WDR70: variants seen among roughly 807,000 people sequenced by gnomAD.
The protein encoded by WDR70 is WD repeat-containing protein 70.
Under a neutral mutation model 88.6 loss-of-function variants are expected in WDR70, and 53 were observed. The ratio of observed to expected loss-of-function variants is 0.60; its 90% confidence interval spans 0.48 to 0.75. The LOEUF (loss-of-function observed/expected upper bound fraction) is 0.75, where lower values mean the gene tolerates loss of function less well. Ranked by LOEUF, WDR70 falls within the 30% of genes least tolerant of loss-of-function variation. The pLI, the probability that WDR70 is intolerant of heterozygous loss-of-function variation, is 0.00. For synonymous variants in WDR70, 280 were observed against 270.0 expected (o/e 1.04, Z -0.36); for missense variants, 610 against 823.2 (o/e 0.74, Z 3.17).
chr5:37,692,033 G>A (rs889785000), intron 10 of WDR70, among the ~76,000 whole-genome samples: 6 of 152,036 alleles, frequency 3.9e-5, no homozygotes, highest in East Asian at 3.9e-4. Context: ...TATCACCACC[G>A]ATCCCACAGA....
intron 9 of WDR70, among the ~76,000 whole-genome samples, chr5:37,517,828 TTA>T (rs1740935298): frequency 1.4e-5 from 1 of 71,156 alleles, no homozygotes. Flanking sequence ...TTAAACTCTT[TTA>T]GTTATTTTAT....
At chr5:37,543,790 A>AT (rs1741904930) in intron 9 of WDR70, among the ~76,000 whole-genome samples, 1 of 152,126 alleles carries the variant, frequency 6.6e-6, no homozygotes, top group Non-Finnish European at 1.5e-5. Context: ...TTATTTGGAG[A>AT]TGGAGTCTCG....
In WDR70 at chr5:37,527,374, A is replaced by C. The variant is rs886777050; in HGVS notation, c.917+10784A>C. 5.9e-5 allele frequency among the ~76,000 whole-genome samples: 9 copies of C among 152,284 alleles called. No homozygotes were observed. The East Asian group carries it at 1.5e-3, about 26-fold the overall frequency. ...CTTTGACAAACCTGACAAAAACAAG[A>C]AATGGGGAAAGGATTCCCTATTTAA... On this transcript the variant is annotated intron_variant, in intron 9 of 17. Transcript: ENST00000265107.
intron 10 of WDR70, among the ~76,000 whole-genome samples, chr5:37,610,982 T>G (rs1744176477): frequency 6.6e-6 from 1 of 152,172 alleles, no homozygotes; most frequent in Non-Finnish European, 1.5e-5. Context: ...AGCAAGCTAA[T>G]TTGATATAAT....
chr5:37,609,970 A>G (rs950997001), intron 10 of WDR70, among the ~76,000 whole-genome samples: 2 of 152,212 alleles, frequency 1.3e-5, no homozygotes, highest in Non-Finnish European at 2.9e-5. Context: ...GTCTTTCTGC[A>G]TCCTTCTTCT....
rs528076531 is a variant in WDR70 at position 37,649,823 on chromosome 5, C to T, written c.1092+44585C>T. Among the ~76,000 whole-genome samples, 7 of 129,072 alleles carry T rather than the reference C, an allele frequency of 5.4e-5. No individual in the cohort carries two copies. In the South Asian group the frequency reaches 1.3e-3, roughly 24 times the overall value. The allele number at this position is 129,072 out of a possible 152,430, so 84.7% of individuals were successfully genotyped here. A position where few individuals can be genotyped will look rare whatever the true frequency, so the allele number is the denominator to read the frequency against. On this transcript the variant is annotated intron_variant, in intron 10 of 17. Transcript: ENST00000265107. Reference sequence around the variant, plus strand: ...CGCGATCTCGGCTCACTGCAAGCTCCGCCTCCCGGGTTCACGCCATTCTCC... The same window carrying T: ...CGCGATCTCGGCTCACTGCAAGCTCTGCCTCCCGGGTTCACGCCATTCTCC...
At chr5:37,508,859 T>C (rs963805458) in intron 8 of WDR70, among the ~76,000 whole-genome samples, 2 of 152,296 alleles carry the variant, frequency 1.3e-5, no homozygotes, top group African/African-American at 2.4e-5. Context: ...AAAGTAATGT[T>C]ACGTCTTCCT....
chr5:37,690,420 G>C (rs577593592), intron 10 of WDR70, among the ~76,000 whole-genome samples: 1 of 152,124 alleles, frequency 6.6e-6, no homozygotes, highest in Non-Finnish European at 1.5e-5. Flanking sequence ...GATTCACCAA[G>C]CTTGAAATGA....
chr5:37,653,937 A>G (rs1181877548), intron 10 of WDR70, among the ~76,000 whole-genome samples: 6 of 151,644 alleles, frequency 4.0e-5, no homozygotes, highest in East Asian at 3.9e-4. Flanking sequence ...TCATGTCTCT[A>G]TCTCCTTCAG....
chr5:37,499,595 C>CTCTCTCTCTTTTTT (rs764121505), intron 8 of WDR70, among the ~76,000 whole-genome samples: 1 of 50,810 alleles, frequency 2.0e-5, no homozygotes. Context: ...TATTCTCTCT[C>CTCTCTCTCTTTTTT]TCTCTCTCTC....
chr5:37,529,052 A>G (rs2112299640), intron 9 of WDR70, among the ~76,000 whole-genome samples: 1 of 152,044 alleles, frequency 6.6e-6, no homozygotes, highest in South Asian at 2.1e-4. Context: ...CTTGCCAATT[A>G]TCCAAGCACC....
intron 5 of WDR70, among the ~76,000 whole-genome samples, chr5:37,418,020 C>G (rs913566937): frequency 3.3e-5 from 5 of 152,122 alleles, no homozygotes; most frequent in East Asian, 1.9e-4. Context: ...AAGTGAGGAA[C>G]TGGTTGAACT....
At chr5:37,456,274 G>A (rs1262570351) in intron 7 of WDR70, among the ~76,000 whole-genome samples, 1 of 152,118 alleles carries the variant, frequency 6.6e-6, no homozygotes, top group East Asian at 1.9e-4. Context: ...TTGTCAATAT[G>A]TTAAATTTTA....
In WDR70 at chr5:37,674,054, T is replaced by C. The variant is rs568227615; in HGVS notation, c.1093-23601T>C. Among the ~76,000 whole-genome samples the C allele has an allele frequency of 2.6e-5, 4 of 152,256 alleles. No homozygotes were observed. In the South Asian group the frequency reaches 8.3e-4, roughly 32 times the overall value. On this transcript the variant is annotated intron_variant, in intron 10 of 17. Transcript: ENST00000265107. ...TTAGGTTGATTCCATGTCTTTGTTA[T>C]TGTGAATAGTGCTGGAATGAGCATA...
chr5:37,426,739 G>A (rs1353337385), intron 5 of WDR70, among the ~76,000 whole-genome samples: 1 of 151,902 alleles, frequency 6.6e-6, no homozygotes, highest in African/African-American at 2.4e-5. Flanking sequence ...GGCCATTTTT[G>A]GAGACTAATT....
chr5:37,697,792 A>G (rs1404495951), intron 11 of WDR70, 38 bp downstream of exon 11: 1 of 1,530,916 alleles, frequency 6.5e-7, no homozygotes, highest in Non-Finnish European at 9.0e-7. Context: ...ATTTCTCTAT[A>G]TAAAATAATC....
chr5:37,660,598 T>G (rs1745674988), intron 10 of WDR70, among the ~76,000 whole-genome samples: 1 of 152,188 alleles, frequency 6.6e-6, no homozygotes, highest in Non-Finnish European at 1.5e-5. Context: ...CTCTACTTTG[T>G]CTGATATATA....
chr5:37,497,382 C>CT, intron 8 of WDR70, among the ~76,000 whole-genome samples: 1 of 130,864 alleles, frequency 7.6e-6, no homozygotes, highest in African/African-American at 2.9e-5. Flanking sequence ...CTTCTCTTCC[C>CT]TCCCCTTCCC....
chr5:37,563,459 C>T (rs1243422113), intron 9 of WDR70, among the ~76,000 whole-genome samples: 1 of 51,386 alleles, frequency 1.9e-5, no homozygotes, highest in Non-Finnish European at 4.6e-5. Flanking sequence ...CCGGACGGGG[C>T]GGCTGGCCGG....
Sources: gnomAD v4.1 joint callset for allele counts (sites outside exome capture counted in the v4.1 genomes callset) on GRCh38, gnomAD v4.1.1 for gene constraint, MANE v1.5 for transcripts, NCBI Gene and HGNC (gene_info 2026-07-23, HGNC 2026-07-21) for gene names.